The following TUT7 variants were observed in gnomAD, a reference collection of about 807,000 sequenced individuals.
The protein encoded by TUT7 is terminal uridylyl transferase 7, also known as terminal uridylyltransferase 7.
A neutral mutation model predicts 165.9 loss-of-function variants in TUT7; 33 were observed. The observed-to-expected ratio is 0.20, with a 90% CI of 0.15 to 0.27. The LOEUF is 0.27. TUT7 is among the 10% of genes least tolerant of loss of function. The pLI, the probability that TUT7 is intolerant of heterozygous loss-of-function variation, is 1.00. For synonymous variants in TUT7, 552 were observed against 608.1 expected, an observed-to-expected ratio of 0.91 and a Z score of 1.36; for missense variants, 1,338 against 1,762.3, an observed-to-expected ratio of 0.76 and a Z score of 4.31.
At chr9:86,348,134 G>C (rs1184371476) in intron 2 of TUT7, among the ~76,000 whole-genome samples, 1 of 152,054 alleles carries the variant, frequency 6.6e-6, no homozygotes, top group Non-Finnish European at 1.5e-5. Context: ...TGGTCACAAA[G>C]GTTTCTCCAT....
At chr9:86,292,085 G>A (rs777854964) in intron 26 of TUT7, among the ~76,000 whole-genome samples, 49 of 152,318 alleles carry the variant, frequency 3.2e-4, no homozygotes, top group Non-Finnish European at 6.6e-4. Flanking sequence ...GGAGTGCAGT[G>A]CAGTGACTAT....
intron 21 of TUT7, among the ~76,000 whole-genome samples, chr9:86,308,965 G>C (rs568849271): frequency 1.3e-5 from 2 of 152,224 alleles, no homozygotes; most frequent in East Asian, 1.9e-4. Context: ...CATTCACTTG[G>C]AATAAAGTTA....
intron 10 of TUT7, among the ~76,000 whole-genome samples, chr9:86,335,101 G>T (rs1408911488): frequency 6.6e-6 from 1 of 152,158 alleles, no homozygotes; most frequent in Non-Finnish European, 1.5e-5. Flanking sequence ...AGGAGAAAAG[G>T]ACTATAACAT....
In TUT7 at chr9:86,325,337, C is replaced by G; in HGVS notation, c.1786G>C (p.Glu596Gln). The change falls in exon 12 of 27, where the codon GAA (glutamate) becomes CAA (glutamine). Residue 596 changes from glutamate to glutamine, a missense_variant. Glu to Gln is a conservative substitution (Grantham distance 29). Transcript: ENST00000375963. ...KDWPKKRIAI[E>Q]DPYSVKRNVA... ...TAAGATAAACATTTTGAGATACCTT[C>G]AATGGCAATGCGCTTTTTGGGCCAA... 1 of 1,613,566 alleles carries G rather than the reference C, an allele frequency of 6.2e-7. No homozygotes were observed. The highest frequency in any genetic ancestry group is 8.5e-7 in the Non-Finnish European group (1 of 1,179,638).
In TUT7 at chr9:86,325,305, G is replaced by C. The variant is rs767791905; in HGVS notation, c.1789+29C>G. 6.2e-6 allele frequency: 10 copies of C among 1,603,400 alleles called. No homozygotes were observed. The Admixed American group carries it at 1.2e-4, about 19-fold the overall frequency. ...CTGGTACCTTTAAAAAAAAGAGTGG[G>C]GGGGAATAAGATAAACATTTTGAGA... On this transcript the variant is annotated intron_variant, in intron 12 of 26. Coordinates refer to ENST00000375963, the MANE Select transcript of TUT7 (RefSeq NM_024617.4).
rs749800073 is a variant in TUT7 at position 86,290,686 on chromosome 9, CAAAAAAA to C, written c.4421-1949_4421-1943del. 8.5e-3 allele frequency among the ~76,000 whole-genome samples: 464 copies of C among 54,758 alleles called. 3 individuals are homozygous for C. Among genetic ancestry groups the C allele is most frequent in the African/African-American group, 0.023 (373 of 16,072 alleles). 35.9% of individuals were successfully genotyped at this position (54,758 alleles called of 152,430 possible). A position where few individuals can be genotyped will look rare whatever the true frequency, so the allele number is the denominator to read the frequency against. On this transcript the variant is annotated intron_variant, in intron 26 of 26. Transcript: ENST00000375963. The stretch of plus-strand genomic sequence containing the variant: ...GTGAAACCTCGTCTCTACTAAAATA[CAAAAAAA>C]AAAAAAAAAAAAAAAATTAGCTGGG...
intron 26 of TUT7, among the ~76,000 whole-genome samples, chr9:86,297,931 T>TTTTTTTTC (rs1428097118): frequency 6.9e-6 from 1 of 144,884 alleles, no homozygotes; most frequent in African/African-American, 2.6e-5. Flanking sequence ...CTTTTTTTTT[T>TTTTTTTTC]TTTTCAAATT....
chr9:86,312,445 G>A (rs1011731299), intron 17 of TUT7, among the ~76,000 whole-genome samples: 3 of 152,024 alleles, frequency 2.0e-5, no homozygotes, highest in Non-Finnish European at 4.4e-5. Context: ...TCTGGGAAGT[G>A]AGGAGCGTCT....
chr9:86,319,364 TAAAC>T (rs1829016475), intron 15 of TUT7, among the ~76,000 whole-genome samples: 1 of 152,240 alleles, frequency 6.6e-6, no homozygotes, highest in African/African-American at 2.4e-5. Flanking sequence ...ACTTTGACTC[TAAAC>T]ATAGTATTAA....
At chr9:86,331,834 G>A (rs1830342540) in intron 10 of TUT7, among the ~76,000 whole-genome samples, 1 of 152,056 alleles carries the variant, frequency 6.6e-6, no homozygotes, top group African/African-American at 2.4e-5. Context: ...CTACAGAATG[G>A]GAGGCAATTT....
At chr9:86,344,804 A>G in intron 5 of TUT7, 173 bp downstream of exon 5, 1 of 612,972 alleles carries the variant, frequency 1.6e-6, no homozygotes, top group Non-Finnish European at 2.8e-6. Context: ...AATGCATATG[A>G]AAGTCCTTGT....
chr9:86,348,655 A>T (rs796388859), intron 2 of TUT7, among the ~76,000 whole-genome samples: 8 of 152,266 alleles, frequency 5.3e-5, no homozygotes, highest in Admixed American at 3.3e-4. Context: ...CAGGAGGCTG[A>T]GACGGAAGGA....
Position 86,346,410 on chromosome 9 carries a change from T to C in TUT7, c.591A>G (p.Gly197=). ...KTRNEENEQD[G]DLEGPVIDES... ...CATCGATCACAGGGCCTTCCAAGTC[T>C]CCATCCTGCTCATTTTCCTCATTTC... Residue 197 remains glycine, a synonymous_variant, in exon 3 of 27, where the codon GGA becomes GGG. Transcript: ENST00000375963. 1.2e-6 allele frequency: 2 copies of C among 1,614,118 alleles called. No individual in the cohort carries two copies. The highest frequency in any genetic ancestry group is 1.7e-6 in the Non-Finnish European group (2 of 1,179,992).
chr9:86,348,718 C>A (rs945009755), intron 2 of TUT7, among the ~76,000 whole-genome samples: 4 of 152,136 alleles, frequency 2.6e-5, no homozygotes, highest in Admixed American at 6.5e-5. Context: ...CGCCATTGCA[C>A]TCCAGCCTGG....
chr9:86,319,003 A>G lies in TUT7; in HGVS notation c.3171T>C (p.Ser1057=). The change falls in exon 16 of 27, where the codon AGT becomes AGC. Residue 1057 remains serine, a synonymous_variant. Coordinates refer to ENST00000375963, the MANE Select transcript of TUT7 (RefSeq NM_024617.4). ...TAATTGTCATACAGACGTCAAGGTC[A>G]CTCTGTTTGAACCCAAATCCATTTT... ...SSKNGFGFKQ[S]DLDVCMTING... is the part of the protein sequence containing the mutation. The G allele has an allele frequency of 6.2e-7, 1 of 1,613,874 alleles. No individual in the cohort carries two copies. The highest frequency in any genetic ancestry group is 8.5e-7 in the Non-Finnish European group (1 of 1,179,922).
At chr9:86,290,774 T>C (rs989663370) in intron 26 of TUT7, among the ~76,000 whole-genome samples, 11 of 151,456 alleles carry the variant, frequency 7.3e-5, no homozygotes, top group African/African-American at 2.7e-4. Flanking sequence ...GGCAGGAGAA[T>C]TGCTCGAACC....
rs189362804 is a variant in TUT7, at chr9:86,348,451, T to C, written c.521-1971A>G. On this transcript the variant is annotated intron_variant, in intron 2 of 26. Coordinates refer to ENST00000375963, the MANE Select transcript of TUT7 (RefSeq NM_024617.4). ...AATCAAAGTAAAGGGATTGAAAATATAGATTAAAATATGGATGGGGCCAGG... is the reference window on the plus strand; with the variant it reads ...AATCAAAGTAAAGGGATTGAAAATACAGATTAAAATATGGATGGGGCCAGG... Among the ~76,000 whole-genome samples the C allele has an allele frequency of 5.0e-4, 76 of 152,172 alleles. 1 individual carries two copies. In the South Asian group the frequency reaches 0.01, roughly 21 times the overall value.
chr9:86,295,525 T>C (rs1417199634), intron 26 of TUT7, among the ~76,000 whole-genome samples: 1 of 152,114 alleles, frequency 6.6e-6, no homozygotes, highest in East Asian at 1.9e-4. Flanking sequence ...TAATAAGACA[T>C]GATTAAATAA....
At position 86,303,017 on chromosome 9, in the gene TUT7, G is replaced by A. The variant is rs540792832; in HGVS notation, c.4094+69C>T. On this transcript the variant is annotated intron_variant, in intron 25 of 26. Transcript: ENST00000375963. ...CAAGTGTATTTTCTTTGTTATAATA[G>A]TACCTCATTTAAAAATTGGGACATT... 4.3e-5 allele frequency: 30 copies of A among 690,290 alleles called. No homozygotes were observed. In the South Asian group the frequency reaches 6.2e-4, roughly 14 times the overall value. 42.8% of individuals were successfully genotyped at this position (690,290 alleles called of 1,614,324 possible). A position where few individuals can be genotyped will look rare whatever the true frequency, so the allele number is the denominator to read the frequency against.
Sources: allele counts gnomAD v4.1 joint callset (sites outside exome capture counted in the v4.1 genomes callset), GRCh38; gene constraint gnomAD v4.1.1; transcripts MANE v1.5; gene names NCBI Gene and HGNC (gene_info 2026-07-23, HGNC 2026-07-21).